The following CDK12 variants were observed in gnomAD, a reference collection of about 807,000 sequenced individuals.
The protein encoded by CDK12 is cyclin-dependent kinase 12.
CDK12 carries 17 observed loss-of-function variants against 133.8 expected under a neutral mutation model. The observed-to-expected ratio is 0.13, with a 90% confidence interval of 0.09 to 0.19. The LOEUF (loss-of-function observed/expected upper bound fraction) is 0.19, where lower values mean the gene tolerates loss of function less well. CDK12 is among the 10% of genes least tolerant of loss of function. The probability of loss-of-function intolerance (pLI) is 1.00; values close to 1 mark genes in which losing one functional copy is unlikely to be tolerated. For missense variants in CDK12, 1,508 were observed against 1,818.7 expected, an observed-to-expected ratio of 0.83 and a Z score of 3.11; for synonymous variants, 694 against 683.6, an observed-to-expected ratio of 1.02 and a Z score of -0.24.
At chr17:39,559,040 C>T (rs940653730) in intron 3 of CDK12, among the ~76,000 whole-genome samples, 1 of 152,202 alleles carries the variant, frequency 6.6e-6, no homozygotes, top group African/African-American at 2.4e-5. Context: ...TATTGATGTA[C>T]ACTAATGAGA....
chr17:39,485,602 A>C (rs2051062015), intron 2 of CDK12, among the ~76,000 whole-genome samples: 3 of 151,358 alleles, frequency 2.0e-5, no homozygotes, highest in Non-Finnish European at 4.4e-5. Flanking sequence ...TTTGGTAGAG[A>C]CAGGGTTTCA....
chr17:39,502,704 C>T (rs1277516813), intron 6 of CDK12, among the ~76,000 whole-genome samples: 1 of 152,072 alleles, frequency 6.6e-6, no homozygotes, highest in East Asian at 1.9e-4. Flanking sequence ...TTGAGAGTAT[C>T]TGGAAAGGTG....
intron 11 of CDK12, among the ~76,000 whole-genome samples, chr17:39,521,457 T>C (rs1341019448): frequency 1.3e-5 from 2 of 152,030 alleles, no homozygotes; most frequent in Non-Finnish European, 1.5e-5. Context: ...GAGACAGGGT[T>C]TCATCACGTT....
intron 5 of CDK12, among the ~76,000 whole-genome samples, chr17:39,496,121 A>T (rs181489484): frequency 2.1e-4 from 32 of 152,170 alleles, no homozygotes; most frequent in South Asian, 4.1e-4. Context: ...CATGTTGGCC[A>T]GGCTGGTTTC....
At chr17:39,475,696 C>T (rs554981456) in intron 2 of CDK12, among the ~76,000 whole-genome samples, 1 of 151,802 alleles carries the variant, frequency 6.6e-6, no homozygotes, top group South Asian at 2.1e-4. Context: ...CAGGTGCCTG[C>T]CACCACGCCC....
intron 5 of CDK12, among the ~76,000 whole-genome samples, chr17:39,499,945 G>T (rs1363284644): frequency 6.6e-6 from 1 of 152,212 alleles, no homozygotes; most frequent in South Asian, 2.1e-4. Context: ...GCATGGTTGT[G>T]TTACAAATAC....
At chr17:39,520,518 G>A (rs1432507918) in intron 11 of CDK12, among the ~76,000 whole-genome samples, 1 of 151,786 alleles carries the variant, frequency 6.6e-6, no homozygotes, top group Non-Finnish European at 1.5e-5. Context: ...AGCCTCCCGA[G>A]TAGCTGGGAC....
chr17:39,524,905 C>G lies in CDK12; in HGVS notation c.3307+20C>G. The G allele has an allele frequency of 2.5e-6, 4 of 1,586,060 alleles. No homozygotes were observed. The highest frequency in any genetic ancestry group is 3.4e-6 in the Non-Finnish European group (4 of 1,162,042). Reference sequence around the variant, plus strand: ...CAATAGGTCAGTGCCAGAATGGGGCCTTTGTGCTTTTGCTAAGCGTATTTG... The same window carrying G: ...CAATAGGTCAGTGCCAGAATGGGGCGTTTGTGCTTTTGCTAAGCGTATTTG... On this transcript the variant is annotated intron_variant, in intron 12 of 13. Coordinates refer to ENST00000447079, the MANE Select transcript of CDK12 (RefSeq NM_016507.4).
At chr17:39,527,633 C>T (rs1450589302) in intron 13 of CDK12, among the ~76,000 whole-genome samples, 2 of 151,856 alleles carry the variant, frequency 1.3e-5, no homozygotes, top group African/African-American at 2.4e-5. Context: ...CTGCAACTTC[C>T]GTCTCCTGGG....
intron 3 of CDK12, among the ~76,000 whole-genome samples, chr17:39,563,354 G>A (rs768908184): frequency 6.6e-6 from 1 of 151,710 alleles, no homozygotes; most frequent in African/African-American, 2.4e-5. Flanking sequence ...AGGTGGGCTA[G>A]GGATACCCAC....
chr17:39,525,766 A>AT, intron 12 of CDK12, 98 bp from the exon 13 acceptor site: 2 of 844,658 alleles, frequency 2.4e-6, no homozygotes, highest in Non-Finnish European at 3.7e-6. Context: ...ATGAAATTTC[A>AT]TTTTTTGGAT....
At chr17:39,552,215 G>T (rs2055983335) in intron 2 of CDK12, among the ~76,000 whole-genome samples, 1 of 152,134 alleles carries the variant, frequency 6.6e-6, no homozygotes, top group African/African-American at 2.4e-5. Flanking sequence ...AAAACAGTTT[G>T]GAAAGAATTT....
rs2055021896 is a variant in CDK12, at chr17:39,534,131, T to G, written c.*2815T>G. ...ATATACTTGACCCAGTTTCCTTAGT[T>G]TTTTCTTCAACTGTCCATAGGAACG... is the stretch of plus-strand genomic sequence containing the variant. On this transcript the variant is annotated 3_prime_UTR_variant, in exon 14 of 14. Transcript: ENST00000447079. The G allele has an allele frequency of 4.3e-6, 1 of 232,650 alleles. No individual in the cohort carries two copies. Among genetic ancestry groups the G allele is most frequent in the Non-Finnish European group, 8.5e-6 (1 of 117,702 alleles). The allele number at this position is 232,650 out of a possible 1,614,324, so 14.4% of individuals were successfully genotyped here. A position where few individuals can be genotyped will look rare whatever the true frequency, so the allele number is the denominator to read the frequency against.
intron 2 of CDK12, among the ~76,000 whole-genome samples, chr17:39,488,329 C>T (rs1023187895): frequency 2.0e-5 from 3 of 152,034 alleles, no homozygotes; most frequent in Non-Finnish European, 2.9e-5. Flanking sequence ...TTACTGATTA[C>T]TGGGAGAGGC....
intron 3 of CDK12, among the ~76,000 whole-genome samples, chr17:39,562,771 C>T (rs949904859): frequency 2.0e-5 from 3 of 152,092 alleles, no homozygotes; most frequent in African/African-American, 7.2e-5. Flanking sequence ...TTCAAAAGCC[C>T]AGCTGGGCCT....
intron 2 of CDK12, among the ~76,000 whole-genome samples, chr17:39,487,110 A>G (rs1015201229): frequency 1.3e-5 from 2 of 152,214 alleles, no homozygotes; most frequent in African/African-American, 4.8e-5. Context: ...ATAATGTTGC[A>G]TGTTCATCTC....
Position 39,511,639 on chromosome 17 carries a change from C to T in CDK12, c.2768+9C>T, listed in dbSNP as rs1198984600. 2 of 1,580,384 alleles carry T rather than the reference C, an allele frequency of 1.3e-6. No individual in the cohort carries two copies. The highest frequency in any genetic ancestry group is 8.7e-7 in the Non-Finnish European group (1 of 1,151,620). On this transcript the variant is annotated intron_variant, in intron 8 of 13. Coordinates refer to ENST00000447079, the MANE Select transcript of CDK12 (RefSeq NM_016507.4). Reference sequence around the variant, plus strand: ...GATGTTTGGAGCTGTGGGTAAGGTTCTGTTAACTTTTTCTTTTGTCTGTAA... The same window carrying T: ...GATGTTTGGAGCTGTGGGTAAGGTTTTGTTAACTTTTTCTTTTGTCTGTAA...
chr17:39,475,907 C>T (rs1378328191), intron 2 of CDK12, among the ~76,000 whole-genome samples: 1 of 151,820 alleles, frequency 6.6e-6, no homozygotes, highest in Non-Finnish European at 1.5e-5. Context: ...AGATAAAAGC[C>T]ATAGATAAAA....
At chr17:39,499,693 T>C (rs1027823507) in intron 5 of CDK12, among the ~76,000 whole-genome samples, 3 of 151,400 alleles carry the variant, frequency 2.0e-5, no homozygotes, top group Non-Finnish European at 4.4e-5. Context: ...TATTTTTTTT[T>C]AGTAGAGATG....
Sources: gnomAD v4.1 joint callset for allele counts (sites outside exome capture counted in the v4.1 genomes callset) on GRCh38, gnomAD v4.1.1 for gene constraint, MANE v1.5 for transcripts, NCBI Gene and HGNC (gene_info 2026-07-23, HGNC 2026-07-21) for gene names.